MGAT4C: variants seen among roughly 807,000 people sequenced by gnomAD.
The protein encoded by MGAT4C is MGAT4 family member C.
In MGAT4C, 19 loss-of-function variants were observed where a neutral mutation model predicts 40.1. That is an observed-to-expected ratio of 0.47 (90% confidence interval 0.33 to 0.70). The LOEUF (loss-of-function observed/expected upper bound fraction) is 0.70. Ranked by LOEUF, MGAT4C falls within the 30% of genes least tolerant of loss-of-function variation. The pLI is 0.02. For missense variants in MGAT4C, 491 were observed against 563.2 expected, an observed-to-expected ratio of 0.87 and a Z score of 1.30; for synonymous variants, 181 against 187.1, an observed-to-expected ratio of 0.97 and a Z score of 0.27.
chr12:86,475,433 CATT>C (rs1164889502), intron 2 of MGAT4C, among the ~76,000 whole-genome samples: 3 of 151,690 alleles, frequency 2.0e-5, no homozygotes, highest in Non-Finnish European at 4.4e-5. Flanking sequence ...TGCATAAAGT[CATT>C]ATAAAATTGA....
At chr12:86,410,255 T>C (rs1013899859) in intron 3 of MGAT4C, among the ~76,000 whole-genome samples, 2 of 152,264 alleles carry the variant, frequency 1.3e-5, no homozygotes, top group Non-Finnish European at 1.5e-5. Context: ...CCTACCCTAA[T>C]AAGCCTGAGG....
chr12:86,758,282 G>T (rs1951340847), intron 1 of MGAT4C, among the ~76,000 whole-genome samples: 1 of 151,478 alleles, frequency 6.6e-6, no homozygotes, highest in African/African-American at 2.4e-5. Flanking sequence ...TATCACAGAA[G>T]CACATATTTG....
intron 1 of MGAT4C, among the ~76,000 whole-genome samples, chr12:86,218,075 T>A (rs899185746): frequency 6.6e-6 from 1 of 152,074 alleles, no homozygotes; most frequent in East Asian, 1.9e-4. Flanking sequence ...ATTAGTCGGC[T>A]TTTTACAGGA....
chr12:86,597,012 G>C (rs76689986), intron 2 of MGAT4C, among the ~76,000 whole-genome samples: 4,763 of 152,288 alleles, frequency 0.031, 106 homozygotes, highest in Non-Finnish European at 0.05. Context: ...AAGATGGACA[G>C]AACAGACTCT....
chr12:86,145,588 C>G (rs75971737), intron 1 of MGAT4C, among the ~76,000 whole-genome samples: 2 of 152,008 alleles, frequency 1.3e-5, no homozygotes, highest in Non-Finnish European at 2.9e-5. Flanking sequence ...TCTGTAGATA[C>G]TGTGTTTTGT....
At chr12:86,627,209 G>T (rs1169347465) in intron 2 of MGAT4C, among the ~76,000 whole-genome samples, 1 of 152,160 alleles carries the variant, frequency 6.6e-6, no homozygotes, top group Non-Finnish European at 1.5e-5. Context: ...GGCAAACAAG[G>T]TGACCAGGAA....
In MGAT4C at chr12:86,764,632, A is replaced by T. The variant is rs1385876993; in HGVS notation, c.-261-37391T>A. Among the ~76,000 whole-genome samples the T allele has an allele frequency of 2.7e-5, 4 of 150,430 alleles. No homozygotes were observed. In the South Asian group the frequency reaches 6.4e-4, roughly 24 times the overall value. The stretch of plus-strand genomic sequence containing the variant: ...GGCACCCCCCAGTAGGGGCAGACTG[A>T]CACCTCACACGGCCGGGTACTCCTC... On this transcript the variant is annotated intron_variant, in intron 1 of 7. Transcript: ENST00000548651.
chr12:86,470,094 A>C (rs1957737460), intron 2 of MGAT4C, among the ~76,000 whole-genome samples: 1 of 152,050 alleles, frequency 6.6e-6, no homozygotes, highest in South Asian at 2.1e-4. Context: ...GAGTTTTTTA[A>C]TATTTTGGCT....
At chr12:86,809,855 A>G (rs979104417) in intron 1 of MGAT4C, among the ~76,000 whole-genome samples, 5 of 152,030 alleles carry the variant, frequency 3.3e-5, no homozygotes, top group African/African-American at 1.2e-4. Context: ...CAGAGCCCAT[A>G]TATTTCTATT....
At chr12:86,167,676 C>G (rs564671450) in intron 1 of MGAT4C, among the ~76,000 whole-genome samples, 118 of 152,176 alleles carry the variant, frequency 7.8e-4, no homozygotes, top group African/African-American at 2.8e-3. Flanking sequence ...TAAAAGTCCA[C>G]TCTCTGGAGC....
In MGAT4C at chr12:86,689,503, C is replaced by T. The variant is rs117455998; in HGVS notation, c.-229+37706G>A. ...TCTTTGGATGGGGTTTTTGCATGGG[C>T]GTCCTTTTTGTTGATGTTGATATTA... On this transcript the variant is annotated intron_variant, in intron 2 of 7. Transcript: ENST00000548651. Among the ~76,000 whole-genome samples the T allele has an allele frequency of 9.3e-3, 1,413 of 152,174 alleles. 6 individuals are homozygous for T. The highest frequency in any genetic ancestry group is 0.024 in the East Asian group (122 of 5,168).
chr12:86,679,913 T>TACCTA (rs1211477091), intron 2 of MGAT4C, among the ~76,000 whole-genome samples: 2 of 152,098 alleles, frequency 1.3e-5, no homozygotes, highest in Non-Finnish European at 2.9e-5. Flanking sequence ...GAGAAGTCAG[T>TACCTA]ACCTATTCTC....
rs191005184 is a variant in MGAT4C, at chr12:86,035,771, A to T, written c.-7+13903T>A. On this transcript the variant is annotated intron_variant, in intron 2 of 4. Transcript: ENST00000611864. The stretch of plus-strand genomic sequence containing the variant: ...TTTTTATATAAGGTGTAAGGAGGGA[A>T]CCCCATTTCAGCTTTGTGCATATGG... Among the ~76,000 whole-genome samples the T allele has an allele frequency of 2.7e-5, 4 of 149,424 alleles. No homozygotes were observed. In the East Asian group the frequency reaches 7.8e-4, roughly 29 times the overall value.
intron 3 of MGAT4C, among the ~76,000 whole-genome samples, chr12:86,343,745 A>G (rs1954952575): frequency 6.6e-6 from 1 of 152,208 alleles, no homozygotes; most frequent in African/African-American, 2.4e-5. Context: ...CATCTTATCT[A>G]TCGATCTTCC....
At chr12:86,239,391 TAAG>T (rs1406194646) in intron 1 of MGAT4C, among the ~76,000 whole-genome samples, 1 of 152,066 alleles carries the variant, frequency 6.6e-6, no homozygotes, top group African/African-American at 2.4e-5. Context: ...TAAATTAATT[TAAG>T]AAGCCACAGC....
At chr12:86,803,108 C>T (rs1952265809) in intron 1 of MGAT4C, among the ~76,000 whole-genome samples, 1 of 146,890 alleles carries the variant, frequency 6.8e-6, no homozygotes, top group African/African-American at 2.5e-5. Flanking sequence ...ATAAATAATG[C>T]CGCATACCTA....
chr12:86,407,607 A>G (rs529362258), intron 3 of MGAT4C, among the ~76,000 whole-genome samples: 3 of 152,130 alleles, frequency 2.0e-5, no homozygotes, highest in African/African-American at 7.2e-5. Flanking sequence ...CTGGAGTAGA[A>G]TATTACTTTT....
chr12:85,999,583 GTATATATA>G (rs67914292), intron 2 of MGAT4C, among the ~76,000 whole-genome samples: 77 of 122,966 alleles, frequency 6.3e-4, no homozygotes, highest in Admixed American at 9.6e-4. Context: ...GTGTGTGTGT[GTATATATA>G]TATATATATA....
intron 3 of MGAT4C, among the ~76,000 whole-genome samples, chr12:86,358,952 G>C (rs1029472351): frequency 2.0e-5 from 3 of 152,128 alleles, no homozygotes; most frequent in African/African-American, 7.2e-5. Flanking sequence ...TCCAGGAATT[G>C]AACTCAGCTC....
Sources: gnomAD v4.1 joint callset for allele counts (sites outside exome capture counted in the v4.1 genomes callset) on GRCh38, gnomAD v4.1.1 for gene constraint, MANE v1.5 for transcripts, NCBI Gene and HGNC (gene_info 2026-07-23, HGNC 2026-07-21) for gene names.